Variants in IQCH observed in about 807,000 individuals in gnomAD.
IQCH encodes IQ domain-containing protein H.
IQCH carries 98 observed loss-of-function variants against 117.0 expected under a neutral mutation model. That is an observed-to-expected ratio of 0.84 (90% CI 0.71 to 0.99). The LOEUF is 0.99. Ranked by LOEUF, IQCH falls within the 50% of genes least tolerant of loss-of-function variation. The pLI is 0.00. For synonymous variants in IQCH, 412 were observed against 448.2 expected, an observed-to-expected ratio of 0.92 and a Z score of 1.02; for missense variants, 1,102 against 1,243.8, an observed-to-expected ratio of 0.89 and a Z score of 1.72.
intron 4 of IQCH, chr15:67,281,555 C>T (rs1966357054): frequency 5.4e-6 from 2 of 367,128 alleles, no homozygotes; most frequent in South Asian, 2.1e-5. Flanking sequence ...GATGCAGCCT[C>T]CTTCAGAGAG....
At chr15:67,438,389 G>A (rs2140959106) in intron 16 of IQCH, among the ~76,000 whole-genome samples, 1 of 152,318 alleles carries the variant, frequency 6.6e-6, no homozygotes, top group East Asian at 1.9e-4. Flanking sequence ...TACAAGAACT[G>A]CTAAAAGGAG....
rs1457029433 is a variant in IQCH, at chr15:67,384,064, G to C, written c.1373-872G>C. ...CAGTTTAACTTGAAATGTGTGTTTG[G>C]GCTCACTAACCACAAGGAGGCATTG... On this transcript the variant is annotated intron_variant, in intron 10 of 20. Transcript: ENST00000335894. This position sits in a 1 kb window ranked among gnomAD's most constrained non-coding sequence, Gnocchi z 4.3. 2.6e-5 allele frequency among the ~76,000 whole-genome samples: 4 copies of C among 151,986 alleles called. No individual in the cohort carries two copies. Among genetic ancestry groups the C allele is most frequent in the Non-Finnish European group, 5.9e-5 (4 of 67,988 alleles).
chr15:67,267,276 A>G (rs774982246), intron 3 of IQCH, among the ~76,000 whole-genome samples: 1 of 152,156 alleles, frequency 6.6e-6, no homozygotes, highest in East Asian at 1.9e-4. Context: ...TGGGTACTCT[A>G]TTTGAGAGAC....
intron 1 of IQCH, among the ~76,000 whole-genome samples, chr15:67,258,489 C>A (rs1596043425): frequency 6.7e-6 from 1 of 150,348 alleles, no homozygotes; most frequent in East Asian, 2.0e-4. Context: ...CAAGATCGCG[C>A]CATTGCACTC....
In IQCH at chr15:67,456,135, T is replaced by C. The variant is rs544766970; in HGVS notation, c.2506-8992T>C. 1.3e-5 allele frequency among the ~76,000 whole-genome samples: 2 copies of C among 150,530 alleles called. No homozygotes were observed. Among genetic ancestry groups the C allele is most frequent in the Admixed American group, 1.3e-4 (2 of 15,024 alleles). ...AGGAAGCAGAGAAAGCAAGAGTATA[T>C]TAAAAGATTTGTGATTTTTTTTTAC... On this transcript the variant is annotated intron_variant, in intron 16 of 20. Coordinates refer to ENST00000335894, the MANE Select transcript of IQCH (RefSeq NM_001031715.3). This position sits in a 1 kb window ranked among gnomAD's most constrained non-coding sequence, Gnocchi z 5.1.
chr15:67,298,177 C>T (rs958873379), intron 4 of IQCH, among the ~76,000 whole-genome samples: 1 of 151,508 alleles, frequency 6.6e-6, no homozygotes, highest in Non-Finnish European at 1.5e-5. Context: ...GGTGTGGTGT[C>T]GTAGCCTGTA....
At chr15:67,344,323 C>T (rs569731619) in intron 6 of IQCH, 132 bp downstream of exon 6, 4 of 637,390 alleles carry the variant, frequency 6.3e-6, no homozygotes, top group East Asian at 2.9e-5. Context: ...TCCTGAGTTT[C>T]ACTACATTCC....
At position 67,401,163 on chromosome 15, in the gene IQCH, T is replaced by C. The variant is rs1163636269; in HGVS notation, c.2097+858T>C. 6.6e-6 allele frequency among the ~76,000 whole-genome samples: 1 copy of C among 152,238 alleles called. No homozygotes were observed. Among genetic ancestry groups the C allele is most frequent in the Admixed American group, 6.5e-5 (1 of 15,286 alleles). On this transcript the variant is annotated intron_variant, in intron 14 of 20. Transcript: ENST00000335894. This position sits in a 1 kb window ranked among gnomAD's most constrained non-coding sequence, Gnocchi z 4.7. ...AAATCTCCCAGCAAAAGCTGAGCTG[T>C]AGGTAAGAAGTCTTAGCATGAATGG...
chr15:67,313,242 A>G (rs1183128097), intron 4 of IQCH, among the ~76,000 whole-genome samples: 1 of 152,190 alleles, frequency 6.6e-6, no homozygotes, highest in Non-Finnish European at 1.5e-5. Flanking sequence ...GCTTTAGTAG[A>G]AAGAGCCGTA....
intron 4 of IQCH, among the ~76,000 whole-genome samples, chr15:67,292,586 G>GA (rs1167577078): frequency 1.3e-5 from 2 of 152,016 alleles, no homozygotes; most frequent in African/African-American, 2.4e-5. Context: ...AAAACAGTAT[G>GA]AAAAAATAAC....
intron 8 of IQCH, chr15:67,360,211 A>G: frequency 6.3e-6 from 2 of 316,968 alleles, no homozygotes; most frequent in Non-Finnish European, 1.2e-5. Flanking sequence ...TTAAAAGTAC[A>G]CTTAAAAAGA....
intron 4 of IQCH, among the ~76,000 whole-genome samples, chr15:67,288,268 G>A (rs1200572511): frequency 6.6e-6 from 1 of 152,056 alleles, no homozygotes; most frequent in Non-Finnish European, 1.5e-5. Flanking sequence ...CATTTGATCT[G>A]TAGTGCAGAT....
chr15:67,387,170 T>A lies in IQCH; in HGVS notation c.1457-1661T>A. Among the ~76,000 whole-genome samples, 1 of 152,172 alleles carries A rather than the reference T, an allele frequency of 6.6e-6. No homozygotes were observed. The highest frequency in any genetic ancestry group is 6.5e-5 in the Admixed American group (1 of 15,274). On this transcript the variant is annotated intron_variant, in intron 11 of 20. Coordinates refer to ENST00000335894, the MANE Select transcript of IQCH (RefSeq NM_001031715.3). The surrounding 1 kb of genome is among the most constrained non-coding windows in gnomAD (Gnocchi z 4.8). ...GATTCAGCAATTGGATGCAAGTTATTTACTTACTGCCTCCTCAGTTAATTT... is the reference window on the plus strand; with the variant it reads ...GATTCAGCAATTGGATGCAAGTTATATACTTACTGCCTCCTCAGTTAATTT...
chr15:67,444,590 G>A (rs2082352716), intron 16 of IQCH, among the ~76,000 whole-genome samples: 1 of 152,148 alleles, frequency 6.6e-6, no homozygotes, highest in African/African-American at 2.4e-5. Flanking sequence ...GGGGACAACA[G>A]GTAGAGTCAT....
At chr15:67,373,801 A>C (rs1378829079) in intron 10 of IQCH, 1 of 330,410 alleles carries the variant, frequency 3.0e-6, no homozygotes, top group Non-Finnish European at 5.6e-6. Flanking sequence ...TTACGCCAAT[A>C]AGCCAGGATA....
intron 3 of IQCH, among the ~76,000 whole-genome samples, chr15:67,270,130 T>C (rs1170471196): frequency 6.6e-6 from 1 of 152,198 alleles, no homozygotes; most frequent in Non-Finnish European, 1.5e-5. Context: ...GTGGTGTCTT[T>C]AGGTTTTTCT....
rs747558407 is a variant in IQCH at position 67,400,162 on chromosome 15, C to T, written c.1954C>T (p.Arg652Cys). ...QLITDHLQIQ[R>C]WLFKMDSEFR... ...GATAACTGATCACCTGCAAATACAG[C>T]GTTGGCTCTTTAAAATGGACTCTGA... The change falls in exon 14 of 21, where the codon CGT becomes TGT. Residue 652 changes from arginine (R) to cysteine (C), a missense_variant. By Grantham distance (180) the Arg-to-Cys change is radical. This residue lies in a region of IQCH where 650 missense variants were observed against 794.3 expected (regional missense o/e 0.82). Transcript: ENST00000335894. The T allele has an allele frequency of 3.7e-6, 6 of 1,613,808 alleles. No individual in the cohort carries two copies. The South Asian group carries it at 5.5e-5, about 15-fold the overall frequency.
At position 67,365,426 on chromosome 15, in the gene IQCH, A is replaced by ACATT. The variant is rs1460528601; in HGVS notation, c.753+5552_753+5555dup. 1.6e-4 allele frequency among the ~76,000 whole-genome samples: 24 copies of ACATT among 152,300 alleles called. No homozygotes were observed. Among genetic ancestry groups the ACATT allele is most frequent in the Middle Eastern group, 3.4e-3 (1 of 294 alleles). ...TAAATTTTAGTATTCACACTTTCAT[A>ACATT]CATTCATTCATTCAACTAATCCTTT... On this transcript the variant is annotated intron_variant, in intron 8 of 20. Coordinates refer to ENST00000335894, the MANE Select transcript of IQCH (RefSeq NM_001031715.3). The surrounding 1 kb of genome is among the most constrained non-coding windows in gnomAD (Gnocchi z 4.4).
At position 67,363,730 on chromosome 15, in the gene IQCH, G is replaced by A. The variant is rs547298594; in HGVS notation, c.753+3845G>A. ...CTTCCTACCCTCCACCCTCAAGTAG[G>A]CCCCTGTGTCATTCCCTTCTTTGTG... On this transcript the variant is annotated intron_variant, in intron 8 of 20. Coordinates refer to ENST00000335894, the MANE Select transcript of IQCH (RefSeq NM_001031715.3). Among the ~76,000 whole-genome samples, 26 of 152,090 alleles carry A rather than the reference G, an allele frequency of 1.7e-4. No homozygotes were observed. In the South Asian group the frequency reaches 5.2e-3, roughly 30 times the overall value.
Sources: allele counts gnomAD v4.1 joint callset (sites outside exome capture counted in the v4.1 genomes callset), GRCh38; gene constraint gnomAD v4.1.1; regional missense constraint gnomAD v4.1.1; non-coding constraint Gnocchi (gnomAD v3.1); transcripts MANE v1.5; gene names NCBI Gene and HGNC (gene_info 2026-07-23, HGNC 2026-07-21).